The following KEL variants were observed in gnomAD, a reference collection of about 807,000 sequenced individuals.
The protein encoded by KEL is kell blood group glycoprotein.
Under a neutral mutation model 99.5 loss-of-function variants are expected in KEL, and 96 were observed. That is an observed-to-expected ratio of 0.97 (90% CI 0.82 to 1.14). The LOEUF is 1.14. KEL is among the 50% of genes most tolerant of loss of function. The pLI is 0.00. For synonymous variants in KEL, 355 were observed against 354.8 expected (o/e 1.00, Z -0.01); for missense variants, 926 against 924.2 (o/e 1.00, Z -0.03).
At chr7:142,947,289 A>G (rs1026375356) in intron 10 of KEL, among the ~76,000 whole-genome samples, 1 of 152,086 alleles carries the variant, frequency 6.6e-6, no homozygotes, top group Admixed American at 6.5e-5. Flanking sequence ...TGATTTTTTT[A>G]CTTCCCAAAG....
chr7:142,962,361 A>T lies in KEL; in HGVS notation c.-155T>A. 1.2e-6 allele frequency: 1 copy of T among 845,086 alleles called. No individual in the cohort carries two copies. Among genetic ancestry groups the T allele is most frequent in the Non-Finnish European group, 2.0e-6 (1 of 505,482 alleles). 52.3% of individuals were successfully genotyped at this position (845,086 alleles called of 1,614,324 possible). A position where few individuals can be genotyped will look rare whatever the true frequency, so the allele number is the denominator to read the frequency against. On this transcript the variant is annotated 5_prime_UTR_variant, in exon 1 of 19. Coordinates refer to ENST00000355265, the MANE Select transcript of KEL (RefSeq NM_000420.3). ...TTCGCCTTGTCCCCAGACACACAGG[A>T]CTGGCCTCTGGGTGGAGCCTGCTTA...
chr7:142,958,394 C>T lies in KEL; in HGVS notation c.435G>A (p.Glu145=), dbSNP rs972369630. Residue 145 remains glutamate (E), a synonymous_variant, in exon 5 of 19, where the codon GAG becomes GAA. Transcript: ENST00000355265. ...AGTTGTAGAACTGGAAGGCTTTCTC[C>T]TCCCCAGAGCCTGGGTGCCAGGAAT... ...VQNSWHPGSG[E]EKAFQFYNSC... is the part of the protein sequence containing the mutation. 1.2e-6 allele frequency: 2 copies of T among 1,614,154 alleles called. No individual in the cohort carries two copies. Among genetic ancestry groups the T allele is most frequent in the Non-Finnish European group, 1.7e-6 (2 of 1,180,040 alleles).
At chr7:142,956,546 C>T (rs1490273364) in intron 6 of KEL, among the ~76,000 whole-genome samples, 1 of 152,072 alleles carries the variant, frequency 6.6e-6, no homozygotes, top group East Asian at 1.9e-4. Flanking sequence ...CACTGCACCC[C>T]ACCTTGCCTC....
intron 6 of KEL, among the ~76,000 whole-genome samples, chr7:142,955,380 A>T (rs1384905334): frequency 3.9e-5 from 6 of 152,340 alleles, no homozygotes; most frequent in African/African-American, 1.4e-4. Context: ...TTGAATAAAA[A>T]AATTAGTATT....
chr7:142,950,812 A>G (rs1032997744), intron 10 of KEL, among the ~76,000 whole-genome samples: 1 of 152,156 alleles, frequency 6.6e-6, no homozygotes, highest in Admixed American at 6.5e-5. Context: ...TTGTTTCTCA[A>G]TCCTGTATAG....
intron 10 of KEL, among the ~76,000 whole-genome samples, chr7:142,949,155 A>C (rs999878814): frequency 6.6e-6 from 1 of 152,212 alleles, no homozygotes; most frequent in African/African-American, 2.4e-5. Flanking sequence ...AAATGAAAAC[A>C]ATATCTAGTC....
At chr7:142,945,482 T>C (rs1052791247) in intron 11 of KEL, among the ~76,000 whole-genome samples, 2 of 152,194 alleles carry the variant, frequency 1.3e-5, no homozygotes, top group African/African-American at 4.8e-5. Flanking sequence ...AGGCATGTGG[T>C]AGGTACTCAG....
intron 6 of KEL, among the ~76,000 whole-genome samples, chr7:142,956,190 C>T (rs937536177): frequency 1.4e-4 from 22 of 152,202 alleles, no homozygotes; most frequent in Non-Finnish European, 2.9e-4. Flanking sequence ...CACTTTCTTT[C>T]TTTATATCCA....
Position 142,957,993 on chromosome 7 carries a change from G to T in KEL, c.526-20C>A, listed in dbSNP as rs201077750. The T allele has an allele frequency of 7.7e-4, 1,243 of 1,612,188 alleles. No homozygotes were observed. The highest frequency in any genetic ancestry group is 1.3e-3 in the Middle Eastern group (8 of 6,016). On this transcript the variant is annotated intron_variant, in intron 5 of 18. Coordinates refer to ENST00000355265, the MANE Select transcript of KEL (RefSeq NM_000420.3). Reference sequence around the variant, plus strand: ...TCCAAGCTTTAAAGGAGAGAGAGGGGGCTGAGCATAAGGATCCGTGGAGCC... The same window carrying T: ...TCCAAGCTTTAAAGGAGAGAGAGGGTGCTGAGCATAAGGATCCGTGGAGCC...
In KEL at chr7:142,954,262, C is replaced by T; in HGVS notation, c.846G>A (p.Leu282=). The T allele has an allele frequency of 6.2e-7, 1 of 1,614,122 alleles. No individual in the cohort carries two copies. The highest frequency in any genetic ancestry group is 8.5e-7 in the Non-Finnish European group (1 of 1,180,036). Residue 282 remains leucine, a synonymous_variant, in exon 8 of 19, where the codon CTG becomes CTA. Coordinates refer to ENST00000355265, the MANE Select transcript of KEL (RefSeq NM_000420.3). ...SSLSISITSR[L]FQFLRPLEQR... ...GCTCCAGGGGCCTCAGAAACTGGAA[C>T]AGCCGTGAAGTGATGGAGATTGACA...
At position 142,954,388 on chromosome 7, in the gene KEL, G is replaced by A. The variant is rs1331062556; in HGVS notation, c.736-16C>T. The A allele has an allele frequency of 6.2e-7, 1 of 1,614,002 alleles. No homozygotes were observed. Among genetic ancestry groups the A allele is most frequent in the Non-Finnish European group, 8.5e-7 (1 of 1,179,862 alleles). On this transcript the variant is annotated splice_polypyrimidine_tract_variant and intron_variant, in intron 7 of 18. Coordinates refer to ENST00000355265, the MANE Select transcript of KEL (RefSeq NM_000420.3). ...CCCGAAAGATCTGGAGGAAGGAAAT[G>A]TCAGTCACAGGTGCCAGAGGTCCCT...
In KEL at chr7:142,961,051, C is replaced by T. The variant is rs778710806; in HGVS notation, c.277G>A (p.Gly93Arg). The T allele has an allele frequency of 1.2e-6, 2 of 1,614,212 alleles. No individual in the cohort carries two copies. Among genetic ancestry groups the T allele is most frequent in the Non-Finnish European group, 1.7e-6 (2 of 1,180,046 alleles). ...GTGCAGGGGGCCACACTTGTGTTCC[C>T]AGAGGCCAGGTAATGATCCCGGAGA... ...LDLRDHYLAS[G>R]NTSVAPCTDF... Residue 93 changes from glycine to arginine, a missense_variant, in exon 4 of 19, where the codon GGG (glycine) becomes AGG (arginine). By Grantham distance (125) the Gly-to-Arg change is moderately radical. Coordinates refer to ENST00000355265, the MANE Select transcript of KEL (RefSeq NM_000420.3).
chr7:142,958,543 G>A, intron 4 of KEL, 115 bp from the exon 5 acceptor site: 1 of 950,580 alleles, frequency 1.1e-6, no homozygotes, highest in Non-Finnish European at 1.6e-6. Flanking sequence ...TCATCAGATG[G>A]GTTTTATTTA....
At chr7:142,944,869 A>C in intron 11 of KEL, 128 bp from the exon 12 acceptor site, 2 of 742,382 alleles carry the variant, frequency 2.7e-6, no homozygotes, top group Non-Finnish European at 4.8e-6. Flanking sequence ...AGCTGCTGCT[A>C]GAGGAGCAGC....
chr7:142,958,727 A>G (rs1796889595), intron 4 of KEL, among the ~76,000 whole-genome samples: 1 of 152,230 alleles, frequency 6.6e-6, no homozygotes, highest in Admixed American at 6.5e-5. Context: ...TCTATTAGCT[A>G]TTAACATATC....
intron 16 of KEL, 46 bp downstream of exon 16, chr7:142,943,230 C>T: frequency 1.9e-6 from 3 of 1,605,330 alleles, no homozygotes; most frequent in Non-Finnish European, 2.6e-6. Context: ...GTGGTCTTCC[C>T]TTAGGTTCCC....
intron 10 of KEL, among the ~76,000 whole-genome samples, chr7:142,950,343 C>T (rs1415412832): frequency 1.3e-5 from 2 of 152,162 alleles, no homozygotes; most frequent in African/African-American, 2.4e-5. Context: ...CCCTGGCTCC[C>T]TTGCTGATTC....
In KEL at chr7:142,958,036, A is replaced by T; in HGVS notation, c.526-63T>A. On this transcript the variant is annotated intron_variant, in intron 5 of 18. Transcript: ENST00000355265. ...GTGGAGCCCATCCCCCATTGTCTGG[A>T]TCGGCTCTTACACAGCTGCTACTGC... is the stretch of plus-strand genomic sequence containing the variant. The T allele has an allele frequency of 4.4e-6, 7 of 1,578,798 alleles. No individual in the cohort carries two copies. In the South Asian group the frequency reaches 8.0e-5, roughly 18 times the overall value.
chr7:142,955,101 A>G (rs1383483844), intron 6 of KEL, among the ~76,000 whole-genome samples: 1 of 152,166 alleles, frequency 6.6e-6, no homozygotes, highest in Non-Finnish European at 1.5e-5. Flanking sequence ...TGTTGGGTGG[A>G]GCTCTCTGAA....
Sources: allele counts gnomAD v4.1 joint callset (sites outside exome capture counted in the v4.1 genomes callset), GRCh38; gene constraint gnomAD v4.1.1; transcripts MANE v1.5; gene names NCBI Gene and HGNC (gene_info 2026-07-23, HGNC 2026-07-21).